The following NFIA variants were observed in gnomAD, a reference collection of about 807,000 sequenced individuals.
NFIA encodes nuclear factor I A, also known as nuclear factor 1 A-type.
NFIA carries 8 observed loss-of-function variants against 62.8 expected under a neutral mutation model. That is an observed-to-expected ratio of 0.13 (90% CI 0.07 to 0.23). The LOEUF (loss-of-function observed/expected upper bound fraction) is 0.23, where lower values mean the gene tolerates loss of function less well. Among genes scored for constraint, NFIA ranks in the 10% least tolerant of loss-of-function variants. NFIA has a pLI of 1.00. For missense variants in NFIA, 410 were observed against 642.1 expected, an observed-to-expected ratio of 0.64 and a Z score of 3.91; for synonymous variants, 235 against 238.1, an observed-to-expected ratio of 0.99 and a Z score of 0.12.
intron 2 of NFIA, among the ~76,000 whole-genome samples, chr1:61,171,335 G>T (rs952239807): frequency 6.6e-6 from 1 of 152,158 alleles, no homozygotes; most frequent in Non-Finnish European, 1.5e-5. Flanking sequence ...ATTTTAGAAG[G>T]TATTTCTTAG....
intron 3 of NFIA, among the ~76,000 whole-genome samples, chr1:61,290,119 T>C (rs1375925532): frequency 6.6e-6 from 1 of 151,752 alleles, no homozygotes. Flanking sequence ...GTATTATGAG[T>C]ATATGGTACT....
chr1:61,345,949 C>T (rs1212808839), intron 4 of NFIA, among the ~76,000 whole-genome samples: 2 of 152,080 alleles, frequency 1.3e-5, no homozygotes, highest in Non-Finnish European at 2.9e-5. Flanking sequence ...TTAGTGGTGG[C>T]AGTTCATTTT....
At chr1:61,369,303 T>G (rs1306542679) in intron 6 of NFIA, among the ~76,000 whole-genome samples, 1 of 152,098 alleles carries the variant, frequency 6.6e-6, no homozygotes, top group Non-Finnish European at 1.5e-5. Flanking sequence ...GATAATAGAT[T>G]GGGTAGAATA....
intron 2 of NFIA, chr1:61,251,253 C>T (rs992315020): frequency 2.0e-5 from 3 of 152,184 alleles, no homozygotes; most frequent in African/African-American, 7.2e-5. Context: ...AAAGGGAACT[C>T]CGTGATCTCT....
chr1:61,101,384 A>C (rs936142281), intron 2 of NFIA, among the ~76,000 whole-genome samples: 64 of 151,146 alleles, frequency 4.2e-4, no homozygotes, highest in Non-Finnish European at 8.6e-4. Flanking sequence ...AACAAGAGTG[A>C]AACTCCATCT....
chr1:61,419,013 A>G (rs1369073680), intron 9 of NFIA, among the ~76,000 whole-genome samples: 1 of 152,256 alleles, frequency 6.6e-6, no homozygotes, highest in Non-Finnish European at 1.5e-5. Context: ...AGCAACACAC[A>G]GCATACACAT....
intron 2 of NFIA, among the ~76,000 whole-genome samples, chr1:61,156,099 G>A (rs993280731): frequency 1.3e-5 from 2 of 151,118 alleles, no homozygotes; most frequent in South Asian, 2.1e-4. Flanking sequence ...ATGCCATTGC[G>A]CTCCAGCCTG....
intron 7 of NFIA, among the ~76,000 whole-genome samples, chr1:61,396,958 C>T (rs535122156): frequency 4.0e-5 from 6 of 151,788 alleles, no homozygotes; most frequent in Admixed American, 2.0e-4. Context: ...GCCGAGATTG[C>T]GCCACTGCAC....
At chr1:61,163,437 T>C (rs926623534) in intron 2 of NFIA, among the ~76,000 whole-genome samples, 3 of 151,982 alleles carry the variant, frequency 2.0e-5, no homozygotes, top group African/African-American at 7.3e-5. Context: ...ACCTAATTGG[T>C]TTTTTTTGTA....
At chr1:61,304,843 C>A (rs745352272) in intron 3 of NFIA, among the ~76,000 whole-genome samples, 23 of 152,184 alleles carry the variant, frequency 1.5e-4, no homozygotes, top group Non-Finnish European at 3.1e-4. Flanking sequence ...GAGGGAAAGT[C>A]ATAAACCTCC....
In NFIA at chr1:61,304,233, G is replaced by T. The variant is rs140060027; in HGVS notation, c.625+26648G>T. On this transcript the variant is annotated intron_variant, in intron 3 of 10. Transcript: ENST00000403491. ...GGAGGTTGCAGTGAGCCAAGATCACGCCACTGCACTCCAGCCTGGGCAACA... is the reference window on the plus strand; with the variant it reads ...GGAGGTTGCAGTGAGCCAAGATCACTCCACTGCACTCCAGCCTGGGCAACA... Among the ~76,000 whole-genome samples the T allele has an allele frequency of 2.6e-5, 4 of 151,782 alleles. No individual in the cohort carries two copies. The East Asian group carries it at 7.8e-4, about 30-fold the overall frequency.
At chr1:61,100,690 C>G (rs1646492727) in intron 2 of NFIA, among the ~76,000 whole-genome samples, 1 of 151,940 alleles carries the variant, frequency 6.6e-6, no homozygotes, top group Non-Finnish European at 1.5e-5. Flanking sequence ...ACTTCTGGGC[C>G]CACACAATCC....
rs781171098 is a variant in NFIA, at chr1:61,406,575, G to A, written c.1268G>A (p.Ser423Asn). ...QVGFLNPNGS[S>N]QGKVHNPFLP... ...CCCCCCCCACAGCCCAATGGGAGCA[G>A]CCAAGGCAAGGTGCACAACCCATTC... Residue 423 changes from serine (S) to asparagine (N), a missense_variant, in exon 9 of 11, where the codon AGC becomes AAC. Transcript: ENST00000403491. 1 of 940,256 alleles carries A rather than the reference G, an allele frequency of 1.1e-6. No homozygotes were observed. Among genetic ancestry groups the A allele is most frequent in the Non-Finnish European group, 1.5e-6 (1 of 650,530 alleles). 58.2% of individuals were successfully genotyped at this position (940,256 alleles called of 1,614,324 possible). A position where few individuals can be genotyped will look rare whatever the true frequency, so the allele number is the denominator to read the frequency against.
At chr1:61,344,562 A>G (rs930645811) in intron 4 of NFIA, among the ~76,000 whole-genome samples, 4 of 152,356 alleles carry the variant, frequency 2.6e-5, no homozygotes, top group African/African-American at 4.8e-5. Flanking sequence ...AGAAGGGACA[A>G]TAATGGTCAG....
intron 2 of NFIA, among the ~76,000 whole-genome samples, chr1:61,209,121 GT>G (rs1176983819): frequency 6.1e-5 from 9 of 148,672 alleles, no homozygotes; most frequent in South Asian, 2.1e-4. Flanking sequence ...CAAGAGTTTT[GT>G]TTTTTTTTTC....
intron 2 of NFIA, among the ~76,000 whole-genome samples, chr1:61,247,396 A>G (rs1002188511): frequency 6.6e-6 from 1 of 152,220 alleles, no homozygotes; most frequent in Non-Finnish European, 1.5e-5. Context: ...TTCTTCGTAT[A>G]GGGAGCAGTA....
intron 4 of NFIA, 113 bp from the exon 5 acceptor site, chr1:61,352,337 C>T (rs1258414854): frequency 5.3e-5 from 37 of 699,534 alleles, no homozygotes; most frequent in Non-Finnish European, 8.4e-5. Flanking sequence ...ATTTTCGATT[C>T]GCTTACATAT....
chr1:61,385,035 C>T (rs1664604202), intron 7 of NFIA, among the ~76,000 whole-genome samples: 2 of 152,084 alleles, frequency 1.3e-5, no homozygotes, highest in Non-Finnish European at 2.9e-5. Context: ...AATTCAAGAT[C>T]AGCCTGGCCA....
chr1:61,412,966 A>G (rs558832843), intron 9 of NFIA, among the ~76,000 whole-genome samples: 16 of 152,210 alleles, frequency 1.1e-4, no homozygotes, highest in Non-Finnish European at 2.1e-4. Context: ...AAAAAAATGA[A>G]GATTGGCATC....
Sources: gnomAD v4.1 joint callset for allele counts (sites outside exome capture counted in the v4.1 genomes callset) on GRCh38, gnomAD v4.1.1 for gene constraint, MANE v1.5 for transcripts, NCBI Gene and HGNC (gene_info 2026-07-23, HGNC 2026-07-21) for gene names.